The following PTGIS variants were observed in gnomAD, a reference collection of about 807,000 sequenced individuals.
The protein encoded by PTGIS is prostaglandin I2 synthase.
PTGIS carries 45 observed loss-of-function variants against 50.3 expected under a neutral mutation model. That is an observed-to-expected ratio of 0.90 (90% CI 0.70 to 1.15). The LOEUF is 1.15. Ranked by LOEUF, PTGIS falls within the 50% of genes most tolerant of loss-of-function variation. The pLI is 0.00. For synonymous variants in PTGIS, 260 were observed against 267.7 expected (o/e 0.97, Z 0.28); for missense variants, 668 against 661.3 (o/e 1.01, Z -0.11).
At chr20:49,522,762 TGC>T (rs1981684167) in intron 6 of PTGIS, among the ~76,000 whole-genome samples, 1 of 152,188 alleles carries the variant, frequency 6.6e-6, no homozygotes. Flanking sequence ...CAGTGGCTCA[TGC>T]CTGTAATCTC....
chr20:49,513,412 C>T lies in PTGIS; in HGVS notation c.1025-151G>A, dbSNP rs533123184. The T allele has an allele frequency of 1.3e-4, 114 of 868,340 alleles. No individual in the cohort carries two copies. The East Asian group carries it at 2.9e-3, about 22-fold the overall frequency. 53.8% of individuals were successfully genotyped at this position (868,340 alleles called of 1,614,324 possible). A position where few individuals can be genotyped will look rare whatever the true frequency, so the allele number is the denominator to read the frequency against. ...AGTCACATAGCAAGGTGAAAAAGGA[C>T]ACACGATGACATGTGGTCTCTGTGG... On this transcript the variant is annotated intron_variant, in intron 7 of 9. Coordinates refer to ENST00000244043, the MANE Select transcript of PTGIS (RefSeq NM_000961.4).
chr20:49,526,108 G>A (rs1307997403), intron 5 of PTGIS, among the ~76,000 whole-genome samples: 4 of 152,160 alleles, frequency 2.6e-5, no homozygotes, highest in Non-Finnish European at 5.9e-5. Flanking sequence ...GCTCTCTGAA[G>A]AATTACCTGG....
At chr20:49,548,810 G>C (rs745507678) in intron 2 of PTGIS, among the ~76,000 whole-genome samples, 1 of 152,120 alleles carries the variant, frequency 6.6e-6, no homozygotes. Context: ...TGGATAAATG[G>C]AAGGATAGAT....
chr20:49,528,402 A>G (rs1981844906), intron 5 of PTGIS, among the ~76,000 whole-genome samples: 1 of 152,168 alleles, frequency 6.6e-6, no homozygotes, highest in South Asian at 2.1e-4. Context: ...ACCTGAGGTC[A>G]GGAGTTCGAG....
intron 3 of PTGIS, among the ~76,000 whole-genome samples, chr20:49,545,203 C>T (rs1568681761): frequency 1.3e-5 from 2 of 152,090 alleles, no homozygotes; most frequent in South Asian, 4.1e-4. Context: ...TCTAAGAGTT[C>T]AAGACCAGCC....
chr20:49,553,849 A>G (rs1329279449), intron 1 of PTGIS, among the ~76,000 whole-genome samples: 1 of 152,128 alleles, frequency 6.6e-6, no homozygotes, highest in Non-Finnish European at 1.5e-5. Flanking sequence ...TTTACGAAAG[A>G]GAGATGTTTA....
intron 6 of PTGIS, among the ~76,000 whole-genome samples, chr20:49,521,568 A>G (rs2122851810): frequency 6.6e-6 from 1 of 152,222 alleles, no homozygotes; most frequent in Non-Finnish European, 1.5e-5. Flanking sequence ...GACACTTTGG[A>G]GCTCCAAGTC....
intron 1 of PTGIS, among the ~76,000 whole-genome samples, chr20:49,564,468 G>A: frequency 6.6e-6 from 1 of 152,206 alleles, no homozygotes; most frequent in East Asian, 1.9e-4. Context: ...AGCCAGGATG[G>A]TCTCGATCTC....
chr20:49,508,960 C>CCCCAA (rs952573120), intron 9 of PTGIS, among the ~76,000 whole-genome samples: 5 of 152,196 alleles, frequency 3.3e-5, no homozygotes, highest in Admixed American at 6.5e-5. Flanking sequence ...CTATTCCCTA[C>CCCCAA]CCCAACCCAG....
At chr20:49,523,990 C>T (rs1981723900) in intron 6 of PTGIS, 68 bp downstream of exon 6, 1 of 1,580,674 alleles carries the variant, frequency 6.3e-7, no homozygotes, top group South Asian at 1.1e-5. Flanking sequence ...GACATGCACA[C>T]ACACATGCGT....
At chr20:49,510,643 A>G (rs141466808) in intron 9 of PTGIS, among the ~76,000 whole-genome samples, 34 of 152,286 alleles carry the variant, frequency 2.2e-4, no homozygotes, top group African/African-American at 7.7e-4. Flanking sequence ...CACAGGTATT[A>G]AAATAACCAA....
intron 2 of PTGIS, among the ~76,000 whole-genome samples, chr20:49,548,423 C>A (rs986417908): frequency 6.6e-6 from 1 of 151,860 alleles, no homozygotes. Context: ...CTGTGCACAT[C>A]ATGGATGGAT....
At chr20:49,534,341 C>A (rs995892853) in intron 5 of PTGIS, among the ~76,000 whole-genome samples, 2 of 152,194 alleles carry the variant, frequency 1.3e-5, no homozygotes, top group Non-Finnish European at 2.9e-5. Flanking sequence ...TTCAAGCACC[C>A]CACAGCAATG....
chr20:49,508,464 A>G (rs774007855), intron 9 of PTGIS, among the ~76,000 whole-genome samples: 51 of 152,316 alleles, frequency 3.3e-4, no homozygotes, highest in Non-Finnish European at 6.6e-4. Flanking sequence ...CCAATCCCAC[A>G]GCTGATACCG....
At chr20:49,559,520 G>A (rs61565445) in intron 1 of PTGIS, among the ~76,000 whole-genome samples, 6,406 of 152,212 alleles carry the variant, frequency 0.042, 410 homozygotes, top group African/African-American at 0.14. Context: ...AGCATTATTC[G>A]TAATAGCTGA....
chr20:49,552,432 T>C (rs1029124924), intron 1 of PTGIS, among the ~76,000 whole-genome samples: 5 of 152,138 alleles, frequency 3.3e-5, no homozygotes, highest in Non-Finnish European at 7.4e-5. Flanking sequence ...CTACAGAAGA[T>C]TTCTATAATT....
intron 1 of PTGIS, among the ~76,000 whole-genome samples, chr20:49,550,977 G>C (rs1982491593): frequency 6.6e-6 from 1 of 152,226 alleles, no homozygotes; most frequent in Non-Finnish European, 1.5e-5. Context: ...GCCAAGGCAG[G>C]TGGATCACTT....
rs1981152719 is a variant in PTGIS at position 49,506,413 on chromosome 20, TGTCGCCCAGGCTGGA to T, written c.*1492_*1506del. 6.6e-6 allele frequency: 1 copy of T among 152,262 alleles called. No homozygotes were observed. Among genetic ancestry groups the T allele is most frequent in the African/African-American group, 2.4e-5 (1 of 41,468 alleles). The allele number at this position is 152,262 out of a possible 1,614,324, so 9.4% of individuals were successfully genotyped here. Reference sequence around the variant, plus strand: ...TATTTATTGAGACAGAGTCTTGCTCTGTCGCCCAGGCTGGAGTGCCGTGGCGCAGTCTCAGTTCAC... The same window carrying T: ...TATTTATTGAGACAGAGTCTTGCTCTGTGCCGTGGCGCAGTCTCAGTTCAC... On this transcript the variant is annotated 3_prime_UTR_variant, in exon 10 of 10. Transcript: ENST00000244043.
chr20:49,506,605 C>G lies in PTGIS; in HGVS notation c.*1315G>C, dbSNP rs1981158511. On this transcript the variant is annotated 3_prime_UTR_variant, in exon 10 of 10. Transcript: ENST00000244043. ...GTTGGCCAGGCTGGTCTTGAACTCC[C>G]GACCTCAAGTGATCCGCCCACCTCG... 1.3e-5 allele frequency: 2 copies of G among 151,780 alleles called. No homozygotes were observed. The highest frequency in any genetic ancestry group is 1.3e-4 in the Admixed American group (2 of 15,246). 9.4% of individuals were successfully genotyped at this position (151,780 alleles called of 1,614,324 possible).
Sources: gnomAD v4.1 joint callset for allele counts (sites outside exome capture counted in the v4.1 genomes callset) on GRCh38, gnomAD v4.1.1 for gene constraint, MANE v1.5 for transcripts, NCBI Gene and HGNC (gene_info 2026-07-23, HGNC 2026-07-21) for gene names.